COP1: variants seen among roughly 807,000 people sequenced by gnomAD.
COP1 encodes the protein COP1 E3 ubiquitin ligase.
COP1 carries 24 observed loss-of-function variants against 101.3 expected under a neutral mutation model. That is an observed-to-expected ratio of 0.24 (90% CI 0.17 to 0.33). The LOEUF is 0.33. Among genes scored for constraint, COP1 ranks in the 10% least tolerant of loss-of-function variants. The pLI, the probability that COP1 is intolerant of heterozygous loss-of-function variation, is 1.00. For missense variants in COP1, 663 were observed against 906.2 expected (o/e 0.73, Z 3.45); for synonymous variants, 347 against 341.9 (o/e 1.01, Z -0.17).
At chr1:176,184,969 C>T (rs1401917829) in intron 1 of COP1, among the ~76,000 whole-genome samples, 1 of 152,050 alleles carries the variant, frequency 6.6e-6, no homozygotes, top group African/African-American at 2.4e-5. Flanking sequence ...TAACTCGGCA[C>T]ATAATTTTTA....
Position 176,200,930 on chromosome 1 carries a change from C to A in COP1, c.407+5642G>T, listed in dbSNP as rs577443601. ...AATTTAGCAGAGTTTCACTACATTG[C>A]CCAGGATGGACTCAAACTCCTGGAG... On this transcript the variant is annotated intron_variant, in intron 1 of 19. Transcript: ENST00000367669. Among the ~76,000 whole-genome samples the A allele has an allele frequency of 2.6e-4, 40 of 152,206 alleles. No homozygotes were observed. The South Asian group carries it at 7.9e-3, about 30-fold the overall frequency.
At chr1:176,082,298 A>C (rs974405681) in intron 10 of COP1, among the ~76,000 whole-genome samples, 6 of 152,138 alleles carry the variant, frequency 3.9e-5, no homozygotes, top group Non-Finnish European at 7.4e-5. Context: ...CACACACACA[A>C]CTTTTTCAAG....
intron 12 of COP1, among the ~76,000 whole-genome samples, chr1:176,044,675 T>C (rs908175988): frequency 1.3e-5 from 2 of 152,212 alleles, no homozygotes; most frequent in Non-Finnish European, 2.9e-5. Flanking sequence ...TCCAGATCTG[T>C]TACTTATTAG....
chr1:176,195,328 G>A (rs866257072), intron 1 of COP1, among the ~76,000 whole-genome samples: 2 of 152,186 alleles, frequency 1.3e-5, no homozygotes, highest in Non-Finnish European at 2.9e-5. Flanking sequence ...CAAAATACAC[G>A]AAGCAAAAGC....
At chr1:175,962,268 G>C (rs1651467134) in intron 18 of COP1, among the ~76,000 whole-genome samples, 6 of 152,108 alleles carry the variant, frequency 3.9e-5, no homozygotes, top group Admixed American at 3.9e-4. Flanking sequence ...TTGTGAAAGA[G>C]AGGAATTCCC....
chr1:176,027,836 G>A, intron 14 of COP1, 148 bp from the exon 15 acceptor site: 1 of 597,970 alleles, frequency 1.7e-6, no homozygotes, highest in Non-Finnish European at 3.0e-6. Flanking sequence ...AAGTGTTAAA[G>A]CTGAATGTAT....
intron 1 of COP1, among the ~76,000 whole-genome samples, chr1:176,196,095 A>C (rs934476181): frequency 2.0e-5 from 3 of 152,236 alleles, no homozygotes; most frequent in African/African-American, 7.2e-5. Context: ...AACTGATTGA[A>C]AATTTGAAGA....
In COP1 at chr1:175,944,974, C is replaced by CA. The variant is rs1239428720; in HGVS notation, c.*178dup. The CA allele has an allele frequency of 5.5e-5, 32 of 585,166 alleles. No homozygotes were observed. The highest frequency in any genetic ancestry group is 3.0e-6 in the Non-Finnish European group (1 of 333,256). The allele number at this position is 585,166 out of a possible 1,614,324, so 36.2% of individuals were successfully genotyped here. On this transcript the variant is annotated 3_prime_UTR_variant, in exon 20 of 20. Transcript: ENST00000367669. The stretch of plus-strand genomic sequence containing the variant: ...TGGTGGAGAGTTGGCTGGGTATTCC[C>CA]AATGTCCCAAAGGTCATAAAGGAGG...
chr1:176,004,680 C>T (rs1225498091), intron 15 of COP1, among the ~76,000 whole-genome samples: 3 of 150,374 alleles, frequency 2.0e-5, no homozygotes, highest in African/African-American at 2.4e-5. Context: ...ATTGAACCAG[C>T]CTTGCATCCC....
intron 18 of COP1, among the ~76,000 whole-genome samples, chr1:175,947,497 A>G (rs1316481514): frequency 6.6e-6 from 1 of 151,502 alleles, no homozygotes; most frequent in Non-Finnish European, 1.5e-5. Flanking sequence ...CAGCCTCCCG[A>G]GTAGCTGGGA....
intron 9 of COP1, among the ~76,000 whole-genome samples, chr1:176,110,248 T>C (rs1329039197): frequency 1.3e-5 from 2 of 152,242 alleles, no homozygotes; most frequent in African/African-American, 4.8e-5. Flanking sequence ...TATTAAGCCA[T>C]GCTTAACTCA....
intron 15 of COP1, among the ~76,000 whole-genome samples, chr1:176,020,831 CTA>C (rs1013590517): frequency 2.6e-5 from 4 of 152,192 alleles, no homozygotes; most frequent in African/African-American, 9.7e-5. Context: ...AGTATTATCA[CTA>C]TATTACTGTA....
intron 11 of COP1, among the ~76,000 whole-genome samples, chr1:176,068,283 C>G (rs1025425285): frequency 3.9e-5 from 6 of 152,164 alleles, no homozygotes; most frequent in African/African-American, 1.2e-4. Context: ...TTTTAAAGCT[C>G]TTAACCTAAG....
At chr1:175,945,925 AAC>A (rs1649116014) in intron 19 of COP1, among the ~76,000 whole-genome samples, 1 of 152,232 alleles carries the variant, frequency 6.6e-6, no homozygotes, top group South Asian at 2.1e-4. Flanking sequence ...TAGGCTACTT[AAC>A]ATAAGAAGTC....
intron 11 of COP1, among the ~76,000 whole-genome samples, chr1:176,064,299 T>C (rs564811954): frequency 3.3e-5 from 5 of 152,164 alleles, no homozygotes; most frequent in Admixed American, 6.5e-5. Flanking sequence ...AATAAGGATA[T>C]ATATTTTTAA....
chr1:176,203,346 GA>G (rs1395036979), intron 1 of COP1, among the ~76,000 whole-genome samples: 3 of 151,878 alleles, frequency 2.0e-5, no homozygotes, highest in Non-Finnish European at 2.9e-5. Context: ...CAAAAAAAAA[GA>G]AAAAAAGTCA....
Position 176,109,068 on chromosome 1 carries a change from C to T in COP1, c.1026+7556G>A, listed in dbSNP as rs182762776. Among the ~76,000 whole-genome samples, 601 of 152,086 alleles carry T rather than the reference C, an allele frequency of 4.0e-3. 1 individual carries two copies. Among genetic ancestry groups the T allele is most frequent in the Middle Eastern group, 0.037 (11 of 294 alleles). On this transcript the variant is annotated intron_variant, in intron 9 of 19. Coordinates refer to ENST00000367669, the MANE Select transcript of COP1 (RefSeq NM_022457.7). ...TGGAGGTTGCAGTGAGCTGAGATCACGTCACTGCACTCCAGCCTGGCGACA... is the reference window on the plus strand; with the variant it reads ...TGGAGGTTGCAGTGAGCTGAGATCATGTCACTGCACTCCAGCCTGGCGACA...
chr1:176,169,287 T>G (rs1296823998), intron 3 of COP1, among the ~76,000 whole-genome samples: 1 of 152,214 alleles, frequency 6.6e-6, no homozygotes, highest in African/African-American at 2.4e-5. Flanking sequence ...CACTATAGAA[T>G]TTTATGTCTA....
Position 176,206,872 on chromosome 1 carries a change from G to A in COP1, c.107C>T (p.Ser36Leu), listed in dbSNP as rs1700918846. 6.9e-6 allele frequency: 10 copies of A among 1,442,438 alleles called. No individual in the cohort carries two copies. Among genetic ancestry groups the A allele is most frequent in the Middle Eastern group, 2.4e-4 (1 of 4,114 alleles). 89.4% of individuals were successfully genotyped at this position (1,442,438 alleles called of 1,614,324 possible). Residue 36 changes from serine to leucine, a missense_variant, in exon 1 of 20, where the codon TCG (serine) becomes TTG (leucine). Physicochemically the swap from Ser to Leu is moderately radical, Grantham distance 145. Transcript: ENST00000367669. The part of the protein sequence containing the change: ...SASSSLSSSP[S>L]PPSVAVSAAA... ...CGCCGAAACCGCCACGGAAGGCGGC[G>A]ACGGGGAAGAGGATAAAGACGAGGA...
Sources: allele counts gnomAD v4.1 joint callset (sites outside exome capture counted in the v4.1 genomes callset), GRCh38; gene constraint gnomAD v4.1.1; transcripts MANE v1.5; gene names NCBI Gene and HGNC (gene_info 2026-07-23, HGNC 2026-07-21).